VAV2: variants seen among roughly 807,000 people sequenced by gnomAD.
VAV2 encodes vav guanine nucleotide exchange factor 2, also known as guanine nucleotide exchange factor VAV2.
VAV2 carries 67 observed loss-of-function variants against 132.5 expected under a neutral mutation model. That is an observed-to-expected ratio of 0.51 (90% CI 0.42 to 0.62). The LOEUF is 0.62. Ranked by LOEUF, VAV2 falls within the 20% of genes least tolerant of loss-of-function variation. The pLI is 0.00. For synonymous variants in VAV2, 492 were observed against 443.5 expected (o/e 1.11, Z -1.37); for missense variants, 938 against 1,153.6 (o/e 0.81, Z 2.71).
At chr9:133,854,470 C>T (rs1837313624) in intron 3 of VAV2, among the ~76,000 whole-genome samples, 1 of 152,266 alleles carries the variant, frequency 6.6e-6, no homozygotes, top group South Asian at 2.1e-4. Context: ...CATGCCAGGC[C>T]AGAGAACTGG....
At chr9:133,917,089 T>C (rs1456165644) in intron 2 of VAV2, among the ~76,000 whole-genome samples, 2 of 152,122 alleles carry the variant, frequency 1.3e-5, no homozygotes, top group Admixed American at 6.5e-5. Context: ...GCAAATCTCT[T>C]TGCACAAAAG....
At chr9:133,767,046 G>T (rs1325217125) in intron 29 of VAV2, among the ~76,000 whole-genome samples, 2 of 151,824 alleles carry the variant, frequency 1.3e-5, no homozygotes, top group Non-Finnish European at 2.9e-5. Context: ...AAAATATATT[G>T]ATTAATTCAA....
In VAV2 at chr9:133,794,705, G is replaced by A. The variant is rs7037436; in HGVS notation, c.1101+963C>T. On this transcript the variant is annotated intron_variant, in intron 12 of 29. Transcript: ENST00000371850. The surrounding 1 kb of genome is among the most constrained non-coding windows in gnomAD (Gnocchi z 4.6). ...CCTGTGCTCCCGACGAGGGAGATGT[G>A]GGGGGGGTCGTCATCCCTCCACCCA... Among the ~76,000 whole-genome samples the A allele has an allele frequency of 3.3e-5, 5 of 151,522 alleles. No homozygotes were observed. Among genetic ancestry groups the A allele is most frequent in the African/African-American group, 1.2e-4 (5 of 41,208 alleles).
At chr9:133,880,977 T>TC (rs1264454516) in intron 2 of VAV2, among the ~76,000 whole-genome samples, 4 of 151,798 alleles carry the variant, frequency 2.6e-5, no homozygotes, top group Non-Finnish European at 1.5e-5. Flanking sequence ...TACAGCACAG[T>TC]CCCCCCACTG....
chr9:133,789,468 G>A, intron 13 of VAV2, 125 bp from the exon 14 acceptor site: 1 of 856,696 alleles, frequency 1.2e-6, no homozygotes, highest in Non-Finnish European at 1.9e-6. Flanking sequence ...CGGGACGAAG[G>A]GAAACAGCCC....
chr9:133,793,379 C>T (rs945208552), intron 12 of VAV2, among the ~76,000 whole-genome samples: 5 of 151,650 alleles, frequency 3.3e-5, no homozygotes, highest in African/African-American at 9.7e-5. Flanking sequence ...CGCCCTTCCT[C>T]GTTCCTAGAA....
intron 1 of VAV2, among the ~76,000 whole-genome samples, chr9:133,946,130 C>T (rs796783250): frequency 6.6e-6 from 1 of 152,202 alleles, no homozygotes; most frequent in Non-Finnish European, 1.5e-5. Flanking sequence ...CCACAGTGCA[C>T]GAGAACCTGG....
At chr9:133,892,265 G>A (rs1260279690) in intron 2 of VAV2, among the ~76,000 whole-genome samples, 2 of 151,770 alleles carry the variant, frequency 1.3e-5, no homozygotes, top group Non-Finnish European at 2.9e-5. Flanking sequence ...CAGGTGTCCC[G>A]GGTTGGCTGC....
chr9:133,845,320 C>A (rs983604966), intron 3 of VAV2, among the ~76,000 whole-genome samples: 2 of 152,178 alleles, frequency 1.3e-5, no homozygotes, highest in African/African-American at 2.4e-5. Flanking sequence ...ACGCCCAAGG[C>A]AACAAGTTTA....
At chr9:133,869,055 G>A (rs964050624) in intron 2 of VAV2, among the ~76,000 whole-genome samples, 1 of 150,988 alleles carries the variant, frequency 6.6e-6, no homozygotes, top group African/African-American at 2.5e-5. Flanking sequence ...GGAGTGCAGT[G>A]GCACCATCTC....
intron 1 of VAV2, among the ~76,000 whole-genome samples, chr9:133,947,550 T>C (rs1397814007): frequency 6.6e-6 from 1 of 151,746 alleles, no homozygotes; most frequent in African/African-American, 2.4e-5. Context: ...AAATACAAAA[T>C]TAGCCAGGCG....
chr9:133,812,070 G>A (rs373504001), intron 5 of VAV2, 44 bp downstream of exon 5: 32 of 1,589,376 alleles, frequency 2.0e-5, no homozygotes, highest in Admixed American at 1.3e-4. Context: ...GCTGCTCTGC[G>A]AGGGAAGGGA....
intron 26 of VAV2, among the ~76,000 whole-genome samples, chr9:133,771,367 G>T (rs909699505): frequency 6.6e-5 from 10 of 152,268 alleles, no homozygotes; most frequent in Admixed American, 4.6e-4. Flanking sequence ...CTCAGCCCGA[G>T]ATTATGGATT....
chr9:133,899,257 G>A, intron 2 of VAV2, among the ~76,000 whole-genome samples: 1 of 151,664 alleles, frequency 6.6e-6, no homozygotes. Context: ...GAGACCCATG[G>A]GGAGCTGGGA....
rs1319999918 is a variant in VAV2, at chr9:133,785,890, AG to A, written c.1423-6del. 6.2e-7 allele frequency: 1 copy of A among 1,611,484 alleles called. No homozygotes were observed. Among genetic ancestry groups the A allele is most frequent in the Admixed American group, 1.7e-5 (1 of 59,778 alleles). On this transcript the variant is annotated splice_polypyrimidine_tract_variant and splice_region_variant and intron_variant, in intron 16 of 29. Coordinates refer to ENST00000371850, the MANE Select transcript of VAV2 (RefSeq NM_001134398.2). Reference sequence around the variant, plus strand: ...TAGGTAGAAGCCGTAGGACCACTGCAGGGGGGAGAGGGGCCATGCTTGCAAT... The same window carrying A: ...TAGGTAGAAGCCGTAGGACCACTGCAGGGGGAGAGGGGCCATGCTTGCAAT...
At chr9:133,960,368 C>G (rs1588175162) in intron 1 of VAV2, among the ~76,000 whole-genome samples, 1 of 152,264 alleles carries the variant, frequency 6.6e-6, no homozygotes. Context: ...TGGTCTCTGG[C>G]AAGGTCTCCA....
At chr9:133,783,967 A>G (rs1346450416) in intron 18 of VAV2, among the ~76,000 whole-genome samples, 2 of 149,374 alleles carry the variant, frequency 1.3e-5, no homozygotes, top group African/African-American at 5.0e-5. Flanking sequence ...TGGAGGCTCA[A>G]TCTCCAGGAC....
intron 1 of VAV2, among the ~76,000 whole-genome samples, chr9:133,954,255 TCCATCTGC>T (rs1235773323): frequency 6.6e-6 from 1 of 152,180 alleles, no homozygotes; most frequent in African/African-American, 2.4e-5. Context: ...TGTCCCTCTG[TCCATCTGC>T]CCATCTGTCC....
intron 4 of VAV2, among the ~76,000 whole-genome samples, chr9:133,817,105 C>T (rs1835589732): frequency 6.6e-6 from 1 of 152,208 alleles, no homozygotes; most frequent in Admixed American, 6.5e-5. Flanking sequence ...TAACATCTTC[C>T]AATCCATAAA....
Sources: allele counts gnomAD v4.1 joint callset (sites outside exome capture counted in the v4.1 genomes callset), GRCh38; gene constraint gnomAD v4.1.1; non-coding constraint Gnocchi (gnomAD v3.1); transcripts MANE v1.5; gene names NCBI Gene and HGNC (gene_info 2026-07-23, HGNC 2026-07-21).